TRAP1: variants seen among roughly 807,000 people sequenced by gnomAD.
TRAP1 encodes the protein heat shock protein 75 kDa, mitochondrial.
A neutral mutation model predicts 89.1 loss-of-function variants in TRAP1; 102 were observed. The observed-to-expected ratio is 1.15, with a 90% CI of 0.98 to 1.35. The LOEUF (loss-of-function observed/expected upper bound fraction) is 1.35. Among genes scored for constraint, TRAP1 ranks in the 40% most tolerant of loss-of-function variants. The pLI, the probability that TRAP1 is intolerant of heterozygous loss-of-function variation, is 0.00. For synonymous variants in TRAP1, 508 were observed against 388.0 expected (o/e 1.31, Z -3.64); for missense variants, 1,256 against 945.3 (o/e 1.33, Z -4.31).
chr16:3,679,142 T>C (rs906079312), intron 5 of TRAP1, among the ~76,000 whole-genome samples: 12 of 151,900 alleles, frequency 7.9e-5, no homozygotes, highest in Non-Finnish European at 1.8e-4. Context: ...ATACAAAAAA[T>C]TGGCCAGGCG....
intron 16 of TRAP1, chr16:3,661,011 G>C (rs2043044719): frequency 1.3e-5 from 2 of 151,986 alleles, no homozygotes; most frequent in South Asian, 4.2e-4. Flanking sequence ...TCTATTTTTG[G>C]TAACATGTTT....
intron 1 of TRAP1, among the ~76,000 whole-genome samples, chr16:3,694,401 G>A (rs958771395): frequency 2.6e-5 from 4 of 151,864 alleles, no homozygotes; most frequent in Non-Finnish European, 5.9e-5. Flanking sequence ...TGGAGTGCAG[G>A]GGCATGATCT....
At chr16:3,684,094 G>A (rs900977017) in intron 4 of TRAP1, among the ~76,000 whole-genome samples, 1 of 151,962 alleles carries the variant, frequency 6.6e-6, no homozygotes, top group African/African-American at 2.4e-5. Context: ...TAAATCCGGG[G>A]GGCAGAGGCC....
intron 1 of TRAP1, among the ~76,000 whole-genome samples, chr16:3,710,103 C>T (rs762333242): frequency 3.3e-5 from 5 of 152,182 alleles, no homozygotes; most frequent in Admixed American, 6.5e-5. Context: ...CTATGATATA[C>T]TGATACTTCA....
At chr16:3,694,422 C>G (rs1356961560) in intron 1 of TRAP1, among the ~76,000 whole-genome samples, 2 of 152,024 alleles carry the variant, frequency 1.3e-5, no homozygotes, top group Admixed American at 6.6e-5. Context: ...CAGCTCACTG[C>G]AACCTCTGCC....
chr16:3,671,133 A>T lies in TRAP1; in HGVS notation c.1235+589T>A, dbSNP rs115582120. ...CTCTTGAGAGACCTCCAGGGCTCCA[A>T]ATTCCAGCTGAATCCTCACCCCACA... On this transcript the variant is annotated intron_variant, in intron 11 of 17. Coordinates refer to ENST00000246957, the MANE Select transcript of TRAP1 (RefSeq NM_016292.3). 4.1e-3 allele frequency among the ~76,000 whole-genome samples: 620 copies of T among 152,168 alleles called. 8 individuals are homozygous for T. The highest frequency in any genetic ancestry group is 0.014 in the African/African-American group (580 of 41,490).
chr16:3,682,107 G>A (rs1047435645), intron 4 of TRAP1, among the ~76,000 whole-genome samples: 26 of 152,178 alleles, frequency 1.7e-4, no homozygotes, highest in Admixed American at 1.6e-3. Flanking sequence ...TTCAATGGGG[G>A]ATGATAGGTC....
At chr16:3,691,266 C>T (rs2051210820) in intron 1 of TRAP1, 2 of 251,364 alleles carry the variant, frequency 8.0e-6, no homozygotes. Context: ...GAGGGGGTCT[C>T]GCTCTGTCAC....
chr16:3,670,198 C>T (rs909903071), intron 11 of TRAP1, among the ~76,000 whole-genome samples: 26 of 151,130 alleles, frequency 1.7e-4, no homozygotes, highest in Non-Finnish European at 3.1e-4. Context: ...CTGGCTAACA[C>T]GGTGAAACCC....
chr16:3,690,955 G>C lies in TRAP1; in HGVS notation c.119C>G (p.Thr40Arg). 1 of 1,565,880 alleles carries C rather than the reference G, an allele frequency of 6.4e-7. No homozygotes were observed. Among genetic ancestry groups the C allele is most frequent in the Admixed American group, 2.0e-5 (1 of 50,412 alleles). Residue 40 changes from threonine (T) to arginine (R), a missense_variant, in exon 2 of 18, where the codon ACA becomes AGA. Thr to Arg is a moderately conservative substitution (Grantham distance 71). Transcript: ENST00000246957. Reference protein sequence around the residue: ...GKPILCPRRTTAQLGPRRNPA... With the variant: ...GKPILCPRRTRAQLGPRRNPA... ...GTTTCGCCTGGGGCCCAACTGGGCT[G>C]TGGTCCTCCGAGGACACAGAATTGG...
chr16:3,662,949 T>G lies in TRAP1; in HGVS notation c.1727A>C (p.Glu576Ala). 6.2e-7 allele frequency: 1 copy of G among 1,611,924 alleles called. No individual in the cohort carries two copies. Among genetic ancestry groups the G allele is most frequent in the Non-Finnish European group, 8.5e-7 (1 of 1,179,960 alleles). Reference sequence around the variant, plus strand: ...GGCCATGAGCTCCTCCGTCTCCTTCTCTGATAGGCACTCGGCGGCTGCGGA... The same window carrying G: ...GGCCATGAGCTCCTCCGTCTCCTTCGCTGATAGGCACTCGGCGGCTGCGGA... ...DRSPAAECLS[E>A]KETEELMAWM... The change falls in exon 15 of 18, where the codon GAG (glutamate) becomes GCG (alanine). Residue 576 changes from glutamate to alanine, a missense_variant. Glu to Ala is a moderately radical substitution (Grantham distance 107, BLOSUM62 -1). Transcript: ENST00000246957.
At chr16:3,695,535 C>CA (rs2051274613) in intron 1 of TRAP1, among the ~76,000 whole-genome samples, 1 of 99,498 alleles carries the variant, frequency 1.0e-5, no homozygotes, top group Admixed American at 1.3e-4. Context: ...GACTCTGTCT[C>CA]GAAAAAAAAA....
chr16:3,681,164 T>C (rs1247358594), intron 4 of TRAP1, among the ~76,000 whole-genome samples: 1 of 152,068 alleles, frequency 6.6e-6, no homozygotes, highest in Admixed American at 6.6e-5. Flanking sequence ...ATAAAAGAGC[T>C]CACTCCAAGC....
At chr16:3,672,275 C>T (rs995229695) in intron 10 of TRAP1, among the ~76,000 whole-genome samples, 1 of 152,006 alleles carries the variant, frequency 6.6e-6, no homozygotes, top group Non-Finnish European at 1.5e-5. Flanking sequence ...CAGTGAGCCA[C>T]GATTGCACCA....
At position 3,663,344 on chromosome 16, in the gene TRAP1, A is replaced by G. The variant is rs531652310; in HGVS notation, c.1708+80T>C. The G allele has an allele frequency of 4.5e-6, 7 of 1,568,468 alleles. No individual in the cohort carries two copies. In the Admixed American group the frequency reaches 1.3e-4, roughly 28 times the overall value. On this transcript the variant is annotated intron_variant, in intron 14 of 17. Transcript: ENST00000246957. ...CCCAGGTCAACTGACGAAAACCCAA[A>G]GGAAGCCCTCGCTGCGGGGCAGGAG...
intron 1 of TRAP1, among the ~76,000 whole-genome samples, chr16:3,707,287 A>G (rs1164927889): frequency 2.7e-5 from 4 of 145,684 alleles, no homozygotes; most frequent in South Asian, 2.2e-4. Flanking sequence ...CCGGGTTCAC[A>G]CCATTCTCCT....
chr16:3,705,497 G>T (rs1195559267), intron 1 of TRAP1, among the ~76,000 whole-genome samples: 1 of 151,982 alleles, frequency 6.6e-6, no homozygotes, highest in African/African-American at 2.4e-5. Context: ...CCTTTTCTGG[G>T]CACTTCACAG....
At chr16:3,675,441 G>C (rs750513737) in intron 7 of TRAP1, 44 bp from the exon 8 acceptor site, 40 of 1,598,752 alleles carry the variant, frequency 2.5e-5, no homozygotes, top group Non-Finnish European at 3.4e-5. Context: ...TACAATGCTT[G>C]TGGAAACGCA....
intron 3 of TRAP1, chr16:3,687,137 G>T (rs1422437266): frequency 6.6e-6 from 1 of 152,154 alleles, no homozygotes; most frequent in African/African-American, 2.4e-5. Context: ...TTGTGGGAAG[G>T]ACCTGGTGGG....
Sources: gnomAD v4.1 joint callset for allele counts (sites outside exome capture counted in the v4.1 genomes callset) on GRCh38, gnomAD v4.1.1 for gene constraint, MANE v1.5 for transcripts, NCBI Gene and HGNC (gene_info 2026-07-23, HGNC 2026-07-21) for gene names.